PDE4D: variants seen among roughly 807,000 people sequenced by gnomAD.
PDE4D encodes the protein 3',5'-cyclic-AMP phosphodiesterase 4D.
Under a neutral mutation model 87.4 loss-of-function variants are expected in PDE4D, and 24 were observed. That is an observed-to-expected ratio of 0.27 (90% CI 0.20 to 0.39). PDE4D has a LOEUF of 0.39. PDE4D is among the 10% of genes least tolerant of loss of function. PDE4D has a pLI of 1.00. For synonymous variants in PDE4D, 384 were observed against 383.2 expected (o/e 1.00, Z -0.02); for missense variants, 714 against 1,041.0 (o/e 0.69, Z 4.32).
At chr5:60,151,560 T>C (rs1781501277) in intron 2 of PDE4D, among the ~76,000 whole-genome samples, 1 of 152,216 alleles carries the variant, frequency 6.6e-6, no homozygotes, top group South Asian at 2.1e-4. Flanking sequence ...AGTTCATTGT[T>C]AGTGTACAGA....
At chr5:60,285,453 A>G (rs1330254778) in intron 1 of PDE4D, among the ~76,000 whole-genome samples, 5 of 152,052 alleles carry the variant, frequency 3.3e-5, no homozygotes, top group Admixed American at 1.3e-4. Context: ...TTATTTAGAA[A>G]AGAACAAACA....
At chr5:59,963,295 T>G (rs1759678376) in intron 3 of PDE4D, among the ~76,000 whole-genome samples, 1 of 152,178 alleles carries the variant, frequency 6.6e-6, no homozygotes, top group Non-Finnish European at 1.5e-5. Flanking sequence ...CCCTTTTCTT[T>G]CAGTAACATT....
At chr5:59,848,632 A>G (rs973153397) in intron 1 of PDE4D, among the ~76,000 whole-genome samples, 1 of 152,052 alleles carries the variant, frequency 6.6e-6, no homozygotes, top group Non-Finnish European at 1.5e-5. Flanking sequence ...TAAATAACCT[A>G]TAATAACGGT....
At chr5:59,550,460 T>A (rs1267923426) in intron 1 of PDE4D, among the ~76,000 whole-genome samples, 2 of 152,234 alleles carry the variant, frequency 1.3e-5, no homozygotes, top group Admixed American at 1.3e-4. Context: ...AAACTTTCAC[T>A]TTCATTGCTA....
At position 60,147,018 on chromosome 5, in the gene PDE4D, G is replaced by T. The variant is rs140085454; in HGVS notation, c.42+38539C>A. 6.1e-3 allele frequency among the ~76,000 whole-genome samples: 923 copies of T among 152,186 alleles called. 11 individuals are homozygous for T. The highest frequency in any genetic ancestry group is 0.02 in the African/African-American group (840 of 41,516). On this transcript the variant is annotated intron_variant, in intron 2 of 16. Coordinates refer to the PDE4D transcript ENST00000502484. Reference sequence around the variant, plus strand: ...AGGGAACCCTTGTACCCTGTTGGTGGGAGTGTAAATTAATACAAGCACCAT... The same window carrying T: ...AGGGAACCCTTGTACCCTGTTGGTGTGAGTGTAAATTAATACAAGCACCAT...
At chr5:59,343,079 T>C (rs1228428792) in intron 1 of PDE4D, among the ~76,000 whole-genome samples, 1 of 152,010 alleles carries the variant, frequency 6.6e-6, no homozygotes, top group African/African-American at 2.4e-5. Context: ...CCATTAGTTA[T>C]TTTTCCTGAT....
chr5:60,181,729 C>T (rs187090898), intron 2 of PDE4D, among the ~76,000 whole-genome samples: 64 of 152,054 alleles, frequency 4.2e-4, no homozygotes, highest in Admixed American at 7.2e-4. Context: ...CAAAAGACTA[C>T]AAGAAAGTTT....
chr5:59,635,886 G>A (rs893328534), intron 1 of PDE4D, among the ~76,000 whole-genome samples: 2 of 152,128 alleles, frequency 1.3e-5, no homozygotes, highest in African/African-American at 4.8e-5. Flanking sequence ...TCTGGCCAGG[G>A]CAATCAGGCA....
chr5:59,385,561 T>G lies in PDE4D; in HGVS notation c.456-169593A>C, dbSNP rs535500463. Among the ~76,000 whole-genome samples, 44 of 152,300 alleles carry G rather than the reference T, an allele frequency of 2.9e-4. 1 individual carries two copies. The highest frequency in any genetic ancestry group is 9.6e-4 in the African/African-American group (40 of 41,562). On this transcript the variant is annotated intron_variant, in intron 1 of 14. Coordinates refer to ENST00000340635, the MANE Select transcript of PDE4D (RefSeq NM_001104631.2). ...GTTTCAGCATTCATGATGCTGACTC[T>G]TCTGGATGTTGAAATGCACTGCCCA...
intron 6 of PDE4D, among the ~76,000 whole-genome samples, chr5:59,018,154 A>G (rs1754412324): frequency 6.6e-6 from 1 of 152,248 alleles, no homozygotes; most frequent in African/African-American, 2.4e-5. Context: ...ATCTAATTAA[A>G]ACAGCTGCAT....
At chr5:60,283,185 G>A (rs1181891695) in intron 1 of PDE4D, among the ~76,000 whole-genome samples, 1 of 151,874 alleles carries the variant, frequency 6.6e-6, no homozygotes, top group Non-Finnish European at 1.5e-5. Context: ...ATACCCTCAG[G>A]TTCATTAGTA....
intron 1 of PDE4D, among the ~76,000 whole-genome samples, chr5:60,366,762 T>C (rs1760585483): frequency 6.6e-6 from 1 of 152,164 alleles, no homozygotes; most frequent in Non-Finnish European, 1.5e-5. Flanking sequence ...TCTGCAAAAA[T>C]AGTTGCAGCC....
intron 1 of PDE4D, among the ~76,000 whole-genome samples, chr5:60,459,064 C>T (rs1431022982): frequency 4.6e-5 from 7 of 151,966 alleles, no homozygotes; most frequent in East Asian, 1.9e-4. Flanking sequence ...GTACTTTTCA[C>T]GTTTAAAACT....
chr5:59,836,273 G>T (rs963695220), intron 1 of PDE4D, among the ~76,000 whole-genome samples: 3 of 151,912 alleles, frequency 2.0e-5, no homozygotes, highest in Non-Finnish European at 4.4e-5. Flanking sequence ...TGTTTTAAAT[G>T]ATGGCCCTGT....
chr5:59,657,091 A>G (rs1333802766), intron 1 of PDE4D, among the ~76,000 whole-genome samples: 2 of 152,158 alleles, frequency 1.3e-5, no homozygotes, highest in Non-Finnish European at 2.9e-5. Context: ...TTTTCATCCC[A>G]ACCAAATATA....
Position 60,114,978 on chromosome 5 carries a change from A to C in PDE4D, c.42+70579T>G, listed in dbSNP as rs2161590. On this transcript the variant is annotated intron_variant, in intron 2 of 16. Coordinates refer to the PDE4D transcript ENST00000502484. The stretch of plus-strand genomic sequence containing the variant: ...GATGGATGGATGGATGGATGGATGG[A>C]TGGCTAGATAATACTTAGGATGCCT... Among the ~76,000 whole-genome samples, 109 of 149,308 alleles carry C rather than the reference A, an allele frequency of 7.3e-4. 1 individual carries two copies. The highest frequency in any genetic ancestry group is 8.6e-4 in the South Asian group (4 of 4,650).
At chr5:59,921,381 T>C (rs2152778803) in intron 3 of PDE4D, among the ~76,000 whole-genome samples, 2 of 152,254 alleles carry the variant, frequency 1.3e-5, no homozygotes, top group East Asian at 3.9e-4. Context: ...AGGCCTAACA[T>C]TTGAAATCAA....
intron 1 of PDE4D, among the ~76,000 whole-genome samples, chr5:60,294,030 A>C (rs1753161181): frequency 6.6e-6 from 1 of 152,228 alleles, no homozygotes. Flanking sequence ...AAGTAGTTAC[A>C]ACATTTAATT....
In PDE4D at chr5:60,092,209, G is replaced by A. The variant is rs143513081; in HGVS notation, c.42+93348C>T. ...GCGATGGCACAAAAAGACAAATATT[G>A]CATGTTCTTACTCATATAAGGAAGC... On this transcript the variant is annotated intron_variant, in intron 2 of 16. Transcript: ENST00000502484. 3.3e-3 allele frequency among the ~76,000 whole-genome samples: 497 copies of A among 152,110 alleles called. 3 individuals carry two copies. Among genetic ancestry groups the A allele is most frequent in the African/African-American group, 0.012 (485 of 41,510 alleles).
Sources: allele counts gnomAD v4.1 joint callset (sites outside exome capture counted in the v4.1 genomes callset), GRCh38; gene constraint gnomAD v4.1.1; transcripts MANE v1.5; gene names NCBI Gene and HGNC (gene_info 2026-07-23, HGNC 2026-07-21).